The following GRID2 variants were observed in gnomAD, a reference collection of about 807,000 sequenced individuals.
The protein encoded by GRID2 is glutamate ionotropic receptor delta type subunit 2.
A neutral mutation model predicts 114.8 loss-of-function variants in GRID2; 33 were observed. That is an observed-to-expected ratio of 0.29 (90% CI 0.22 to 0.38). GRID2 has a LOEUF of 0.38. GRID2 is among the 10% of genes least tolerant of loss of function. The probability of loss-of-function intolerance (pLI) is 1.00; values close to 1 mark genes in which losing one functional copy is unlikely to be tolerated. For missense variants in GRID2, 1,184 were observed against 1,257.7 expected (o/e 0.94, Z 0.89); for synonymous variants, 505 against 449.9 (o/e 1.12, Z -1.55).
chr4:93,110,564 A>G (rs1732667721), intron 3 of GRID2, among the ~76,000 whole-genome samples, 184 bp from the exon 4 acceptor site: 1 of 152,184 alleles, frequency 6.6e-6, no homozygotes, highest in Non-Finnish European at 1.5e-5. Flanking sequence ...TACATTTTTC[A>G]TGTGAACATT....
intron 2 of GRID2, among the ~76,000 whole-genome samples, chr4:92,976,868 C>T (rs1483661336): frequency 6.6e-6 from 1 of 152,106 alleles, no homozygotes; most frequent in Non-Finnish European, 1.5e-5. Context: ...TATTCATTAT[C>T]TTTATGAAAT....
At chr4:93,408,095 GA>G (rs1330879930) in intron 9 of GRID2, among the ~76,000 whole-genome samples, 1 of 152,126 alleles carries the variant, frequency 6.6e-6, no homozygotes, top group Non-Finnish European at 1.5e-5. Flanking sequence ...CGAGTAGTCT[GA>G]AGTCTACTGG....
At chr4:93,803,463 C>A (rs1195715517) in intron 1 of GRID2, among the ~76,000 whole-genome samples, 3 of 152,170 alleles carry the variant, frequency 2.0e-5, no homozygotes, top group East Asian at 3.9e-4. Flanking sequence ...GTGGCTCGCA[C>A]CTGTAATCCC....
chr4:93,181,364 C>G (rs940494228), intron 4 of GRID2, among the ~76,000 whole-genome samples: 1 of 152,148 alleles, frequency 6.6e-6, no homozygotes, highest in Admixed American at 6.6e-5. Flanking sequence ...GTCCCACTTA[C>G]AGAGTGCAGG....
chr4:93,446,141 C>T (rs900703646), intron 10 of GRID2, among the ~76,000 whole-genome samples: 13 of 152,010 alleles, frequency 8.6e-5, no homozygotes, highest in African/African-American at 3.1e-4. Flanking sequence ...TGTTGTGACT[C>T]AGTAGCAGCA....
intron 8 of GRID2, among the ~76,000 whole-genome samples, chr4:93,377,250 A>G (rs1434592766): frequency 1.3e-5 from 2 of 152,112 alleles, no homozygotes; most frequent in East Asian, 3.9e-4. Flanking sequence ...ATATTTGAAA[A>G]TTTTTATACT....
At chr4:92,706,242 T>A (rs1402771943) in intron 2 of GRID2, among the ~76,000 whole-genome samples, 1 of 152,206 alleles carries the variant, frequency 6.6e-6, no homozygotes, top group African/African-American at 2.4e-5. Flanking sequence ...CAGTTCAAGA[T>A]GAGATTTCTT....
chr4:93,088,065 G>GA (rs898422893), intron 3 of GRID2, among the ~76,000 whole-genome samples: 44 of 151,992 alleles, frequency 2.9e-4, no homozygotes, highest in African/African-American at 1.0e-3. Context: ...ATTTTGTATA[G>GA]AAAAAAATAT....
chr4:92,452,892 CATATATAT>C (rs914949930), intron 1 of GRID2, among the ~76,000 whole-genome samples: 2 of 143,424 alleles, frequency 1.4e-5, no homozygotes, highest in Admixed American at 1.4e-4. Context: ...ATATATTTAC[CATATATAT>C]ATATGTATGT....
At chr4:93,295,585 TTCC>T (rs377733265) in intron 8 of GRID2, among the ~76,000 whole-genome samples, 9 of 151,518 alleles carry the variant, frequency 5.9e-5, no homozygotes, top group Admixed American at 1.3e-4. Context: ...ATATCTCCTC[TTCC>T]TCCTCCTCCT....
At chr4:93,561,745 G>A (rs1578265806) in intron 13 of GRID2, among the ~76,000 whole-genome samples, 1 of 152,048 alleles carries the variant, frequency 6.6e-6, no homozygotes, top group South Asian at 2.1e-4. Flanking sequence ...CCATACTTTT[G>A]TCTTTCCCAG....
intron 2 of GRID2, among the ~76,000 whole-genome samples, chr4:92,607,876 T>C (rs1425015928): frequency 1.3e-5 from 2 of 151,830 alleles, no homozygotes; most frequent in Non-Finnish European, 2.9e-5. Context: ...GAAAAATGTG[T>C]GCGTAAACAA....
chr4:93,361,527 G>C (rs992570931), intron 8 of GRID2, among the ~76,000 whole-genome samples: 6 of 150,632 alleles, frequency 4.0e-5, no homozygotes, highest in African/African-American at 1.5e-4. Context: ...GATTCTATTA[G>C]AGCCTATCTC....
intron 2 of GRID2, among the ~76,000 whole-genome samples, chr4:92,740,089 C>A (rs536941970): frequency 5.9e-5 from 9 of 152,070 alleles, no homozygotes; most frequent in African/African-American, 1.2e-4. Context: ...TCCTAAAAGG[C>A]CTTTTCTTCC....
chr4:93,434,365 G>A (rs1280940016), intron 10 of GRID2, among the ~76,000 whole-genome samples: 2 of 151,976 alleles, frequency 1.3e-5, no homozygotes, highest in African/African-American at 4.8e-5. Context: ...CGAGTTAATG[G>A]TTGCAGCACA....
At chr4:92,514,977 C>G (rs1359400777) in intron 1 of GRID2, among the ~76,000 whole-genome samples, 1 of 151,810 alleles carries the variant, frequency 6.6e-6, no homozygotes, top group Non-Finnish European at 1.5e-5. Context: ...TGCAATTGCC[C>G]TATATCAGGT....
At chr4:92,908,515 TC>T (rs1337886215) in intron 2 of GRID2, among the ~76,000 whole-genome samples, 1 of 142,912 alleles carries the variant, frequency 7.0e-6, no homozygotes, top group Non-Finnish European at 1.5e-5. Context: ...TGAGTCGACA[TC>T]GTGCCACTGC....
At chr4:93,324,149 GT>G (rs1453445344) in intron 8 of GRID2, among the ~76,000 whole-genome samples, 1 of 152,052 alleles carries the variant, frequency 6.6e-6, no homozygotes, top group East Asian at 1.9e-4. Flanking sequence ...AGTGCTTCCA[GT>G]TTTTGTCCAT....
At chr4:92,767,582 C>T (rs1738324896) in intron 2 of GRID2, among the ~76,000 whole-genome samples, 1 of 151,980 alleles carries the variant, frequency 6.6e-6, no homozygotes, top group African/African-American at 2.4e-5. Flanking sequence ...GAAACCCAGG[C>T]TCAACTAAAA....
Sources: gnomAD v4.1 joint callset for allele counts (sites outside exome capture counted in the v4.1 genomes callset) on GRCh38, gnomAD v4.1.1 for gene constraint, MANE v1.5 for transcripts, NCBI Gene and HGNC (gene_info 2026-07-23, HGNC 2026-07-21) for gene names.